CCDC201: variants seen among roughly 807,000 people sequenced by gnomAD.
CCDC201 encodes coiled-coil domain-containing protein 201.
At chr7:45,880,129 C>T in the CCDC201 span, among the ~76,000 whole-genome samples, 946 of 152,222 alleles carry the variant, frequency 6.2e-3, 11 homozygotes, top group African/African-American at 0.021. Flanking sequence ...AACATGATAA[C>T]GTCAACATAT....
At chr7:45,879,185 A>G in the CCDC201 span, among the ~76,000 whole-genome samples, 3 of 152,212 alleles carry the variant, frequency 2.0e-5, no homozygotes, top group African/African-American at 7.2e-5. Flanking sequence ...TTAATTGTCC[A>G]TATCAGTATT....
rs930455807 is a variant in CCDC201 at position 45,864,966 on chromosome 7, G to T, written c.477+1070C>A. Among the ~76,000 whole-genome samples, 4 of 152,006 alleles carry T rather than the reference G, an allele frequency of 2.6e-5. No individual in the cohort carries two copies. The East Asian group carries it at 7.7e-4, about 29-fold the overall frequency. ...GGCCCAGGGAGTGTCCTGCAGCTGAGCAAGACTACTCACCCCAAAATGAAA... is the reference window on the plus strand; with the variant it reads ...GGCCCAGGGAGTGTCCTGCAGCTGATCAAGACTACTCACCCCAAAATGAAA... On this transcript the variant is annotated intron_variant, in intron 2 of 2. Transcript: ENST00000636578.
chr7:45,867,991 T>C (rs1786698079), intron 1 of CCDC201, among the ~76,000 whole-genome samples: 1 of 152,224 alleles, frequency 6.6e-6, no homozygotes, highest in African/African-American at 2.4e-5. Context: ...GTATATTAGT[T>C]ATTTACTGGG....
chr7:45,867,400 A>G (rs1408456788), intron 1 of CCDC201, among the ~76,000 whole-genome samples: 1 of 152,236 alleles, frequency 6.6e-6, no homozygotes, highest in Admixed American at 6.5e-5. Context: ...TAGGAGTAAC[A>G]GTGCCCAGTT....
At chr7:45,876,376 G>T (rs996124396), upstream of CCDC201, among the ~76,000 whole-genome samples, 1 of 152,146 alleles carries the variant, frequency 6.6e-6, no homozygotes, top group Non-Finnish European at 1.5e-5. Flanking sequence ...TATTCCATTT[G>T]CCAATGGGAA....
At chr7:45,880,867 T>C in the CCDC201 span, among the ~76,000 whole-genome samples, 1 of 152,198 alleles carries the variant, frequency 6.6e-6, no homozygotes, top group Non-Finnish European at 1.5e-5. Flanking sequence ...TGGGGTGACC[T>C]ATTATGGGCT....
chr7:45,878,312 G>A, the CCDC201 span, among the ~76,000 whole-genome samples: 2 of 152,204 alleles, frequency 1.3e-5, no homozygotes, highest in Admixed American at 6.5e-5. Context: ...GCTCTACTGG[G>A]CAGTGCTCCA....
chr7:45,867,215 C>T lies in CCDC201; in HGVS notation c.19-721G>A, dbSNP rs116676091. On this transcript the variant is annotated intron_variant, in intron 1 of 2. Transcript: ENST00000636578. The stretch of plus-strand genomic sequence containing the variant: ...GACAGCAGATTGAGTTGTCCAATTG[C>T]TTTGTAATGATCTCTTGGTGTCTCA... Among the ~76,000 whole-genome samples the T allele has an allele frequency of 4.5e-3, 693 of 152,336 alleles. 7 individuals are homozygous for T. Among genetic ancestry groups the T allele is most frequent in the African/African-American group, 0.016 (656 of 41,580 alleles).
At chr7:45,873,862 A>C (rs1786770073), upstream of CCDC201, among the ~76,000 whole-genome samples, 1 of 152,054 alleles carries the variant, frequency 6.6e-6, no homozygotes, top group African/African-American at 2.4e-5. Flanking sequence ...TCAGTTTTCT[A>C]ACAACCCCAA....
chr7:45,868,600 C>A (rs1338200716), intron 1 of CCDC201, among the ~76,000 whole-genome samples: 1 of 152,114 alleles, frequency 6.6e-6, no homozygotes, highest in Admixed American at 6.5e-5. Flanking sequence ...CAGGACTCCC[C>A]TCACTCTTCA....
chr7:45,874,443 T>G (rs1052142149), upstream of CCDC201, among the ~76,000 whole-genome samples: 8 of 152,198 alleles, frequency 5.3e-5, no homozygotes, highest in Non-Finnish European at 1.0e-4. Context: ...CTCTGTAAAA[T>G]GAAGTGCTAT....
the CCDC201 span, among the ~76,000 whole-genome samples, chr7:45,880,897 T>C: frequency 6.6e-6 from 1 of 152,146 alleles, no homozygotes; most frequent in African/African-American, 2.4e-5. Flanking sequence ...GCAGCCCTGG[T>C]GTTTGTGTTG....
intron 1 of CCDC201, among the ~76,000 whole-genome samples, chr7:45,872,261 G>C (rs1786750357): frequency 6.6e-6 from 1 of 152,214 alleles, no homozygotes; most frequent in Non-Finnish European, 1.5e-5. Flanking sequence ...GGAATGGGGT[G>C]CCCAGGACTG....
At chr7:45,860,559 T>G (rs1786586932) in exon 3 of CCDC201, 1 of 152,232 alleles carries the variant, frequency 6.6e-6, no homozygotes, top group South Asian at 2.1e-4. Context: ...GGGCTATTGT[T>G]TAGCTGTTTA....
chr7:45,865,433 G>A (rs1441788448), intron 2 of CCDC201, among the ~76,000 whole-genome samples: 3 of 152,236 alleles, frequency 2.0e-5, no homozygotes, highest in Non-Finnish European at 4.4e-5. Flanking sequence ...TCCATGGAAA[G>A]ACACCAGAGC....
chr7:45,869,813 C>T (rs1282605150), intron 1 of CCDC201, among the ~76,000 whole-genome samples: 1 of 147,740 alleles, frequency 6.8e-6, no homozygotes, highest in Non-Finnish European at 1.5e-5. Context: ...AGTTTAGTTG[C>T]TCCACATTTT....
intron 1 of CCDC201, among the ~76,000 whole-genome samples, chr7:45,870,061 C>T (rs912203243): frequency 2.0e-5 from 3 of 152,206 alleles, no homozygotes; most frequent in South Asian, 2.1e-4. Context: ...AGGTGATCCA[C>T]GTGCCTCGGC....
chr7:45,870,422 A>C (rs145071195), intron 1 of CCDC201, among the ~76,000 whole-genome samples: 24 of 152,358 alleles, frequency 1.6e-4, no homozygotes, highest in African/African-American at 5.3e-4. Flanking sequence ...ATCCAACTAC[A>C]CATTGCATAC....
chr7:45,880,069 G>GA, the CCDC201 span, among the ~76,000 whole-genome samples: 2 of 152,192 alleles, frequency 1.3e-5, no homozygotes, highest in African/African-American at 4.8e-5. Context: ...CCGGGTGACA[G>GA]AGTGAGACTC....
Sources: gnomAD v4.1 joint callset for allele counts (sites outside exome capture counted in the v4.1 genomes callset) on GRCh38, gnomAD v4.1.1 for gene constraint, MANE v1.5 for transcripts, NCBI Gene and HGNC (gene_info 2026-07-23, HGNC 2026-07-21) for gene names.